The following TMED3 variants were observed in gnomAD, a reference collection of about 807,000 sequenced individuals.
The protein encoded by TMED3 is transmembrane p24 trafficking protein 3.
Under a neutral mutation model 15.0 loss-of-function variants are expected in TMED3, and 9 were observed. That is an observed-to-expected ratio of 0.60 (90% CI 0.36 to 1.04). The LOEUF (loss-of-function observed/expected upper bound fraction) is 1.04. TMED3 is among the 50% of genes least tolerant of loss of function. The pLI, the probability that TMED3 is intolerant of heterozygous loss-of-function variation, is 0.01. For missense variants in TMED3, 267 were observed against 278.9 expected, an observed-to-expected ratio of 0.96 and a Z score of 0.30; for synonymous variants, 117 against 121.4, an observed-to-expected ratio of 0.96 and a Z score of 0.24.
chr15:79,403,914 T>C (rs561057003), intron 2 of TMED3, among the ~76,000 whole-genome samples: 1 of 152,330 alleles, frequency 6.6e-6, no homozygotes, highest in South Asian at 2.1e-4. Flanking sequence ...GGCATGACCC[T>C]TGGTTCATTG....
intron 2 of TMED3, among the ~76,000 whole-genome samples, chr15:79,377,341 C>T (rs1220454531): frequency 3.3e-5 from 5 of 150,562 alleles, no homozygotes; most frequent in African/African-American, 9.8e-5. Context: ...TTTTCAAGTG[C>T]AGGTGTGGGG....
chr15:79,339,742 A>G (rs769271238), intron 2 of TMED3, among the ~76,000 whole-genome samples: 5 of 151,286 alleles, frequency 3.3e-5, no homozygotes, highest in Non-Finnish European at 3.0e-5. Context: ...TGGTGATGAC[A>G]TGATGGTGAT....
intron 2 of TMED3, among the ~76,000 whole-genome samples, chr15:79,401,430 T>C (rs527511697): frequency 2.0e-5 from 3 of 152,276 alleles, no homozygotes; most frequent in African/African-American, 7.2e-5. Context: ...CCTAGACCAG[T>C]GATTCTCAAC....
At chr15:79,387,872 A>T (rs1056455015) in intron 2 of TMED3, among the ~76,000 whole-genome samples, 2 of 152,148 alleles carry the variant, frequency 1.3e-5, no homozygotes, top group African/African-American at 4.8e-5. Flanking sequence ...AGAATTTTTT[A>T]AATTTTCATT....
intron 2 of TMED3, among the ~76,000 whole-genome samples, chr15:79,371,623 T>A (rs1428375036): frequency 3.3e-5 from 5 of 152,194 alleles, no homozygotes; most frequent in Non-Finnish European, 5.9e-5. Context: ...GGGCCAGGGA[T>A]GAAACCACAG....
chr15:79,346,615 C>CA (rs2058872442), intron 2 of TMED3, among the ~76,000 whole-genome samples: 1 of 152,120 alleles, frequency 6.6e-6, no homozygotes, highest in Non-Finnish European at 1.5e-5. Context: ...TTATTAGCAG[C>CA]ATGAGAACAA....
intron 2 of TMED3, among the ~76,000 whole-genome samples, chr15:79,351,824 C>T (rs553675931): frequency 5.0e-4 from 76 of 152,204 alleles, no homozygotes; most frequent in South Asian, 1.0e-3. Flanking sequence ...AGAACCAGCC[C>T]AAGTGCCTCT....
intron 2 of TMED3, among the ~76,000 whole-genome samples, chr15:79,320,920 C>T (rs1222296613): frequency 6.6e-6 from 1 of 152,174 alleles, no homozygotes; most frequent in Admixed American, 6.5e-5. Context: ...CTTTCATGCT[C>T]ATTCAGGTTG....
intron 2 of TMED3, among the ~76,000 whole-genome samples, chr15:79,373,933 TAGTTA>T (rs566286697): frequency 2.6e-5 from 4 of 152,266 alleles, no homozygotes; most frequent in South Asian, 2.1e-4. Context: ...TAGATGTTTG[TAGTTA>T]AGTTAAGGGA....
At chr15:79,313,269 T>C (rs2058725131) in intron 1 of TMED3, among the ~76,000 whole-genome samples, 2 of 152,086 alleles carry the variant, frequency 1.3e-5, no homozygotes, top group African/African-American at 4.8e-5. Flanking sequence ...CTCATCTTGC[T>C]CTTGATTTCG....
chr15:79,383,304 A>T (rs554608121), intron 2 of TMED3: 8 of 435,466 alleles, frequency 1.8e-5, no homozygotes, highest in African/African-American at 1.6e-4. Context: ...TATCTATTTG[A>T]TCCTTTGTGC....
chr15:79,322,478 G>T lies in TMED3; in HGVS notation c.*264G>T. The T allele has an allele frequency of 7.7e-7, 1 of 1,291,954 alleles. No individual in the cohort carries two copies. Among genetic ancestry groups the T allele is most frequent in the Admixed American group, 3.8e-5 (1 of 26,642 alleles). 80.0% of individuals were successfully genotyped at this position (1,291,954 alleles called of 1,614,324 possible). The stretch of plus-strand genomic sequence containing the variant: ...CTAGGCCAGGGATTAGCCACTGTGG[G>T]AGGGTGGACAGGCAATGGTTCAGTG... On this transcript the variant is annotated 3_prime_UTR_variant, in exon 3 of 3. Transcript: ENST00000299705.
exon 3 of TMED3, chr15:79,411,516 C>T (rs544520989): frequency 8.7e-5 from 61 of 701,634 alleles, no homozygotes; most frequent in African/African-American, 5.4e-4. Flanking sequence ...AGATTTTCAG[C>T]GGGGAGGCAC....
At position 79,369,652 on chromosome 15, in the gene TMED3, C is replaced by T. The variant is rs565855805; in HGVS notation, c.418-41748C>T. Reference sequence around the variant, plus strand: ...TGTTAGGTCATTTTTATGATTTGAACAGTGCTCATGTTTCGTCTGTGTTCA... The same window carrying T: ...TGTTAGGTCATTTTTATGATTTGAATAGTGCTCATGTTTCGTCTGTGTTCA... On this transcript the variant is annotated intron_variant, in intron 2 of 2. Coordinates refer to the TMED3 transcript ENST00000424155. 4.4e-3 allele frequency among the ~76,000 whole-genome samples: 676 copies of T among 152,326 alleles called. 6 individuals carry two copies. The highest frequency in any genetic ancestry group is 6.7e-3 in the Non-Finnish European group (458 of 68,028).
chr15:79,360,147 C>T (rs756048464), intron 2 of TMED3, among the ~76,000 whole-genome samples: 9 of 152,242 alleles, frequency 5.9e-5, no homozygotes, highest in East Asian at 1.9e-4. Context: ...CCATGGGATC[C>T]GAGAACAATA....
At chr15:79,407,927 T>C (rs1203258173) in intron 2 of TMED3, among the ~76,000 whole-genome samples, 1 of 152,180 alleles carries the variant, frequency 6.6e-6, no homozygotes, top group East Asian at 1.9e-4. Context: ...AGAACCAGAT[T>C]GGTTTTTGTT....
chr15:79,335,310 A>AACG (rs2058823361), intron 2 of TMED3, among the ~76,000 whole-genome samples: 1 of 134,880 alleles, frequency 7.4e-6, no homozygotes, highest in African/African-American at 2.6e-5. Flanking sequence ...AACAAACAAC[A>AACG]TTGAAGTTTC....
intron 2 of TMED3, among the ~76,000 whole-genome samples, chr15:79,357,324 G>GAAA (rs34231915): frequency 4.2e-5 from 6 of 144,210 alleles, no homozygotes; most frequent in Non-Finnish European, 6.1e-5. Flanking sequence ...CATTTCTACA[G>GAAA]AAAAAAAAAA....
rs190800413 is a variant in TMED3, at chr15:79,312,111, G to A, written c.168+694G>A. Among the ~76,000 whole-genome samples, 7 of 152,338 alleles carry A rather than the reference G, an allele frequency of 4.6e-5. No individual in the cohort carries two copies. In the East Asian group the frequency reaches 9.7e-4, roughly 21 times the overall value. On this transcript the variant is annotated intron_variant, in intron 1 of 2. Transcript: ENST00000299705. ...AGTAGTCTGCCCCGATATTTAGTGA[G>A]CAGGTCTAGGGTTGGGGGCCAAGTG...
Sources: allele counts gnomAD v4.1 joint callset (sites outside exome capture counted in the v4.1 genomes callset), GRCh38; gene constraint gnomAD v4.1.1; transcripts MANE v1.5; gene names NCBI Gene and HGNC (gene_info 2026-07-23, HGNC 2026-07-21).